The following FREM3 variants were observed in gnomAD, a reference collection of about 807,000 sequenced individuals.
The protein encoded by FREM3 is FRAS1 related extracellular matrix 3, also known as FRAS1-related extracellular matrix protein 3.
Under a neutral mutation model 129.1 loss-of-function variants are expected in FREM3, and 105 were observed. That is an observed-to-expected ratio of 0.81 (90% confidence interval 0.69 to 0.96). The LOEUF (loss-of-function observed/expected upper bound fraction) is 0.96, where lower values mean the gene tolerates loss of function less well. Among genes scored for constraint, FREM3 ranks in the 40% least tolerant of loss-of-function variants. The pLI, the probability that FREM3 is intolerant of heterozygous loss-of-function variation, is 0.00. For synonymous variants in FREM3, 1,014 were observed against 1,044.9 expected, an observed-to-expected ratio of 0.97 and a Z score of 0.57; for missense variants, 2,593 against 2,666.3, an observed-to-expected ratio of 0.97 and a Z score of 0.61.
chr4:143,659,477 G>A (rs1462606407), intron 2 of FREM3, among the ~76,000 whole-genome samples: 3 of 152,112 alleles, frequency 2.0e-5, no homozygotes, highest in Non-Finnish European at 4.4e-5. Context: ...AATCCAGTCT[G>A]TCATTGTTGG....
intron 6 of FREM3, among the ~76,000 whole-genome samples, chr4:143,610,152 A>G (rs1359642925): frequency 6.6e-6 from 1 of 152,136 alleles, no homozygotes; most frequent in Non-Finnish European, 1.5e-5. Context: ...TGTGTTTTGG[A>G]ATTAGTCCTA....
intron 2 of FREM3, among the ~76,000 whole-genome samples, chr4:143,665,722 C>T (rs1302849254): frequency 6.6e-6 from 1 of 152,072 alleles, no homozygotes; most frequent in Admixed American, 6.6e-5. Context: ...CAGTTCTATG[C>T]AAGAGATACA....
intron 3 of FREM3, among the ~76,000 whole-genome samples, chr4:143,627,312 G>A (rs1739057200): frequency 6.6e-6 from 1 of 152,168 alleles, no homozygotes; most frequent in Non-Finnish European, 1.5e-5. Flanking sequence ...TGAGTGACTT[G>A]AAGATTGTGG....
intron 4 of FREM3, among the ~76,000 whole-genome samples, 190 bp from the exon 5 acceptor site, chr4:143,621,352 T>G (rs1738948553): frequency 6.6e-6 from 1 of 152,162 alleles, no homozygotes; most frequent in South Asian, 2.1e-4. Flanking sequence ...GGAATTGGGT[T>G]TTAGGAGACC....
At chr4:143,638,062 C>G (rs574863255) in intron 2 of FREM3, among the ~76,000 whole-genome samples, 1 of 152,230 alleles carries the variant, frequency 6.6e-6, no homozygotes, top group East Asian at 1.9e-4. Flanking sequence ...CCCAATATGT[C>G]ATGCTATGTA....
chr4:143,626,236 G>A (rs753451207), intron 3 of FREM3, among the ~76,000 whole-genome samples: 2 of 152,148 alleles, frequency 1.3e-5, no homozygotes, highest in African/African-American at 4.8e-5. Flanking sequence ...ACTACCATAT[G>A]CCCCATGCTG....
At position 143,698,648 on chromosome 4, in the gene FREM3, C is replaced by G; in HGVS notation, c.2028G>C (p.Val676=). 6.5e-7 allele frequency: 1 copy of G among 1,537,794 alleles called. No homozygotes were observed. The highest frequency in any genetic ancestry group is 1.4e-5 in the African/African-American group (1 of 73,150). The change falls in exon 1 of 8, where the codon GTG becomes GTC. Residue 676 remains valine (V), a synonymous_variant. Coordinates refer to ENST00000329798, the MANE Select transcript of FREM3 (RefSeq NM_001168235.2). ...GATTGGGTGGGTCATGGTCATCCTGCACATGGAAAGCCAGCTGGACCATTA... is the reference window on the plus strand; with the variant it reads ...GATTGGGTGGGTCATGGTCATCCTGGACATGGAAAGCCAGCTGGACCATTA... The part of the protein sequence containing the change: ...QSVMVQLAFH[V]QDDHDPPNLS...
intron 6 of FREM3, among the ~76,000 whole-genome samples, chr4:143,594,422 G>T (rs1298155122): frequency 1.3e-5 from 2 of 152,190 alleles, no homozygotes; most frequent in East Asian, 3.9e-4. Flanking sequence ...CTCAAGGTCA[G>T]GCACCATATT....
chr4:143,604,296 C>G (rs1172805117), intron 6 of FREM3, among the ~76,000 whole-genome samples: 1 of 152,072 alleles, frequency 6.6e-6, no homozygotes, highest in Non-Finnish European at 1.5e-5. Context: ...TTATAAATTA[C>G]CTAGCCTCAG....
At chr4:143,628,763 G>A (rs1346501028) in intron 2 of FREM3, among the ~76,000 whole-genome samples, 1 of 152,150 alleles carries the variant, frequency 6.6e-6, no homozygotes, top group East Asian at 1.9e-4. Flanking sequence ...TGGGGCTACA[G>A]CCTTGACCTC....
intron 5 of FREM3, among the ~76,000 whole-genome samples, chr4:143,620,358 C>T (rs1484523796): frequency 6.6e-6 from 1 of 152,220 alleles, no homozygotes; most frequent in East Asian, 1.9e-4. Flanking sequence ...GGCTGACATA[C>T]TACAGCGAGC....
chr4:143,627,659 C>T lies in FREM3; in HGVS notation c.5377G>A (p.Val1793Met). The change falls in exon 3 of 8, where the codon GTG becomes ATG. Residue 1793 changes from valine (V) to methionine (M), a missense_variant. Around this residue, in one of 2 missense-constraint regions of FREM3, gnomAD observed 2,276 missense variants for 2,267.2 expected, o/e 1.00. Transcript: ENST00000329798. ...AGGTATCCTCTGCGTGTAAGGGTCACTTCTAAGAATGTGGAATCTTCATCC... is the reference window on the plus strand; with the variant it reads ...AGGTATCCTCTGCGTGTAAGGGTCATTTCTAAGAATGTGGAATCTTCATCC... ...IVDEDSTFLE[V>M]TLTRRGYLGE... is the part of the protein sequence containing the mutation. The T allele has an allele frequency of 2.0e-6, 3 of 1,535,864 alleles. No individual in the cohort carries two copies. The highest frequency in any genetic ancestry group is 1.4e-5 in the African/African-American group (1 of 73,080).
rs1295938967 is a variant in FREM3, at chr4:143,585,970, C to G, written c.6052G>C (p.Ala2018Pro). The G allele has an allele frequency of 1.8e-5, 28 of 1,537,576 alleles. No individual in the cohort carries two copies. Among genetic ancestry groups the G allele is most frequent in the Non-Finnish European group, 2.3e-5 (26 of 1,147,008 alleles). ...YDEPVLHFGD[A>P]EYHVNESARY... ...GCACTTTCATTGACGTGATATTCAGCATCCCCAAAGTGCAGGACAGGTTCT... is the reference window on the plus strand; with the variant it reads ...GCACTTTCATTGACGTGATATTCAGGATCCCCAAAGTGCAGGACAGGTTCT... Residue 2018 changes from alanine (A) to proline (P), a missense_variant, in exon 7 of 8, where the codon GCT becomes CCT. Around this residue, in one of 2 missense-constraint regions of FREM3, gnomAD observed 317 missense variants for 399.0 expected, o/e 0.79. Coordinates refer to ENST00000329798, the MANE Select transcript of FREM3 (RefSeq NM_001168235.2). The surrounding 1 kb of genome is among the most constrained non-coding windows in gnomAD (Gnocchi z 4.2).
chr4:143,676,941 T>C (rs1443387401), intron 2 of FREM3, among the ~76,000 whole-genome samples: 1 of 152,042 alleles, frequency 6.6e-6, no homozygotes, highest in African/African-American at 2.4e-5. Context: ...TAGGAAGAAT[T>C]AATATCGTGA....
At chr4:143,659,469 T>C (rs1187234582) in intron 2 of FREM3, among the ~76,000 whole-genome samples, 1 of 152,218 alleles carries the variant, frequency 6.6e-6, no homozygotes, top group Non-Finnish European at 1.5e-5. Context: ...ATTTTCTTAA[T>C]CCAGTCTGTC....
intron 5 of FREM3, among the ~76,000 whole-genome samples, chr4:143,618,877 T>C (rs1288281888): frequency 3.9e-5 from 6 of 152,066 alleles, no homozygotes; most frequent in African/African-American, 9.7e-5. Context: ...GCCTGGGTGA[T>C]AGAGTGAAAC....
chr4:143,654,217 C>T (rs1194821032), intron 2 of FREM3, among the ~76,000 whole-genome samples: 2 of 152,186 alleles, frequency 1.3e-5, no homozygotes, highest in African/African-American at 4.8e-5. Context: ...ATTCTCCTGC[C>T]TCAGCCTACC....
chr4:143,612,204 C>T (rs941806228), intron 5 of FREM3, among the ~76,000 whole-genome samples: 3 of 152,138 alleles, frequency 2.0e-5, no homozygotes, highest in African/African-American at 7.2e-5. Flanking sequence ...CGTTTTTATC[C>T]ATCCACAAAA....
intron 3 of FREM3, 54 bp downstream of exon 3, chr4:143,627,560 C>G: frequency 1.5e-6 from 2 of 1,374,644 alleles, no homozygotes; most frequent in African/African-American, 1.4e-5. Context: ...ATTTTTAGTC[C>G]CAGATTTCAT....
Sources: allele counts gnomAD v4.1 joint callset (sites outside exome capture counted in the v4.1 genomes callset), GRCh38; gene constraint gnomAD v4.1.1; regional missense constraint gnomAD v4.1.1; non-coding constraint Gnocchi (gnomAD v3.1); transcripts MANE v1.5; gene names NCBI Gene and HGNC (gene_info 2026-07-23, HGNC 2026-07-21).